Variants in SNX13 observed in about 807,000 individuals in gnomAD.
SNX13 encodes the protein sorting nexin-13.
Under a neutral mutation model 133.6 loss-of-function variants are expected in SNX13, and 45 were observed. That is an observed-to-expected ratio of 0.34 (90% CI 0.27 to 0.43). The LOEUF is 0.43. Among genes scored for constraint, SNX13 ranks in the 20% least tolerant of loss-of-function variants. The pLI is 1.00. For missense variants in SNX13, 1,032 were observed against 1,145.1 expected, an observed-to-expected ratio of 0.90 and a Z score of 1.43; for synonymous variants, 414 against 373.9, an observed-to-expected ratio of 1.11 and a Z score of -1.24.
At chr7:17,842,301 T>A (rs530222656) in intron 12 of SNX13, among the ~76,000 whole-genome samples, 1 of 152,194 alleles carries the variant, frequency 6.6e-6, no homozygotes, top group East Asian at 1.9e-4. Flanking sequence ...TAGAAGGTGA[T>A]GGAGTGATAT....
At chr7:17,929,339 A>T (rs1562539655) in intron 1 of SNX13, among the ~76,000 whole-genome samples, 1 of 152,142 alleles carries the variant, frequency 6.6e-6, no homozygotes, top group Non-Finnish European at 1.5e-5. Context: ...TGAGTATAAT[A>T]GTTTATTCTA....
chr7:17,879,266 C>G (rs1562831772), intron 5 of SNX13, among the ~76,000 whole-genome samples: 1 of 152,172 alleles, frequency 6.6e-6, no homozygotes. Context: ...TGACTCTTCA[C>G]ATGCATATTC....
intron 11 of SNX13, among the ~76,000 whole-genome samples, chr7:17,848,453 C>T (rs897607038): frequency 4.6e-5 from 7 of 152,222 alleles, no homozygotes; most frequent in African/African-American, 1.7e-4. Context: ...GCAGCCGCCT[C>T]ATGCAAAAAG....
chr7:17,922,679 T>C (rs895837144), intron 1 of SNX13, among the ~76,000 whole-genome samples: 1 of 152,138 alleles, frequency 6.6e-6, no homozygotes, highest in African/African-American at 2.4e-5. Flanking sequence ...GTCAATTCAC[T>C]GGGCAACTAC....
chr7:17,856,812 G>GAAAGA (rs1791954345), intron 9 of SNX13, among the ~76,000 whole-genome samples: 2 of 134,628 alleles, frequency 1.5e-5, no homozygotes, highest in East Asian at 2.1e-4. Context: ...AAGAAAGAAA[G>GAAAGA]AAAGAAAAGA....
chr7:17,922,984 T>C (rs1426522562), intron 1 of SNX13, among the ~76,000 whole-genome samples: 2 of 152,206 alleles, frequency 1.3e-5, no homozygotes, highest in African/African-American at 2.4e-5. Context: ...GGTAGTATTA[T>C]AAACAAAAAA....
intron 1 of SNX13, among the ~76,000 whole-genome samples, chr7:17,924,052 C>T (rs1729428961): frequency 6.6e-6 from 1 of 152,096 alleles, no homozygotes; most frequent in African/African-American, 2.4e-5. Context: ...TTTGACACCA[C>T]TAATGAAGCT....
chr7:17,876,085 T>G (rs1004027328), intron 5 of SNX13, among the ~76,000 whole-genome samples: 7 of 152,210 alleles, frequency 4.6e-5, no homozygotes, highest in African/African-American at 1.7e-4. Context: ...AAATTTGAAG[T>G]GAATCTGACA....
At chr7:17,932,806 A>G (rs896498767) in intron 1 of SNX13, among the ~76,000 whole-genome samples, 11 of 152,214 alleles carry the variant, frequency 7.2e-5, no homozygotes, top group African/African-American at 2.7e-4. Context: ...CCCAAGTCAC[A>G]GTTATCTTTT....
intron 20 of SNX13, among the ~76,000 whole-genome samples, chr7:17,813,411 A>G (rs1342409792): frequency 6.6e-6 from 1 of 152,150 alleles, no homozygotes; most frequent in Non-Finnish European, 1.5e-5. Context: ...TTTCCCCTCC[A>G]TTGTAAGGTC....
At chr7:17,845,409 TAG>T (rs1322778439) in intron 12 of SNX13, among the ~76,000 whole-genome samples, 184 bp downstream of exon 12, 1 of 152,096 alleles carries the variant, frequency 6.6e-6, no homozygotes, top group Non-Finnish European at 1.5e-5. Context: ...GTTTAATGAG[TAG>T]AGTTTCAGTT....
intron 1 of SNX13, among the ~76,000 whole-genome samples, chr7:17,937,980 T>C (rs1166529163): frequency 2.6e-5 from 4 of 152,172 alleles, no homozygotes; most frequent in Non-Finnish European, 4.4e-5. Context: ...TTTTGAGACC[T>C]AACATGAATT....
At position 17,796,824 on chromosome 7, in the gene SNX13, C is replaced by G; in HGVS notation, c.2626+3G>C. The G allele has an allele frequency of 2.5e-6, 4 of 1,588,068 alleles. No homozygotes were observed. Among genetic ancestry groups the G allele is most frequent in the Non-Finnish European group, 3.5e-6 (4 of 1,157,900 alleles). ...AGATTTTTAACTATACATGCTCACT[C>G]ACCTGGCATAATTGCAAGTAATTTC... On this transcript the variant is annotated splice_donor_region_variant and intron_variant, in intron 25 of 25. Coordinates refer to ENST00000428135, the MANE Select transcript of SNX13 (RefSeq NM_015132.5).
At chr7:17,867,330 G>T (rs1427700621) in intron 9 of SNX13, among the ~76,000 whole-genome samples, 1 of 152,154 alleles carries the variant, frequency 6.6e-6, no homozygotes, top group African/African-American at 2.4e-5. Flanking sequence ...ACAGCAGCCA[G>T]GCACAATGGC....
intron 8 of SNX13, among the ~76,000 whole-genome samples, chr7:17,869,023 A>G (rs1583553585): frequency 6.6e-6 from 1 of 152,078 alleles, no homozygotes; most frequent in African/African-American, 2.4e-5. Context: ...AAAATAATAG[A>G]TATGTTAATC....
At chr7:17,825,819 T>C (rs1284293655) in intron 17 of SNX13, among the ~76,000 whole-genome samples, 3 of 152,106 alleles carry the variant, frequency 2.0e-5, no homozygotes, top group Non-Finnish European at 4.4e-5. Context: ...TTTTCAAATG[T>C]TGATAGTGAC....
At chr7:17,803,215 G>A (rs1166946427) in intron 21 of SNX13, among the ~76,000 whole-genome samples, 1 of 152,140 alleles carries the variant, frequency 6.6e-6, no homozygotes, top group African/African-American at 2.4e-5. Context: ...CCACAGCAGA[G>A]ACTAACAAGC....
chr7:17,799,216 T>C (rs1350784119), intron 22 of SNX13, 62 bp from the exon 23 acceptor site: 12 of 1,374,422 alleles, frequency 8.7e-6, no homozygotes, highest in Non-Finnish European at 1.2e-5. Flanking sequence ...ATTGTTACTT[T>C]TGTTGCTTTT....
In SNX13 at chr7:17,826,058, C is replaced by T; in HGVS notation, c.1669G>A (p.Asp557Asn). Residue 557 changes from aspartate (D) to asparagine (N), a missense_variant, in exon 17 of 26, where the codon GAC (aspartate) becomes AAC (asparagine). Asp to Asn is a conservative substitution (Grantham distance 23, BLOSUM62 1). Transcript: ENST00000428135. Reference sequence around the variant, plus strand: ...ATGTAGGCATGAAGTTGTACTGAGTCATCAGAAGAAACATTTGAAAGGTCA... The same window carrying T: ...ATGTAGGCATGAAGTTGTACTGAGTTATCAGAAGAAACATTTGAAAGGTCA... Reference protein sequence around the residue: ...LDDLSNVSSDDSVQLHAYISD... With the variant: ...LDDLSNVSSDNSVQLHAYISD... 1 of 1,556,506 alleles carries T rather than the reference C, an allele frequency of 6.4e-7. No individual in the cohort carries two copies. Among genetic ancestry groups the T allele is most frequent in the African/African-American group, 1.4e-5 (1 of 73,210 alleles).
Sources: allele counts gnomAD v4.1 joint callset (sites outside exome capture counted in the v4.1 genomes callset), GRCh38; gene constraint gnomAD v4.1.1; transcripts MANE v1.5; gene names NCBI Gene and HGNC (gene_info 2026-07-23, HGNC 2026-07-21).